NELL1: variants seen among roughly 807,000 people sequenced by gnomAD.
NELL1 encodes protein kinase C-binding protein NELL1.
Under a neutral mutation model 107.4 loss-of-function variants are expected in NELL1, and 76 were observed. The observed-to-expected ratio is 0.71, with a 90% confidence interval of 0.59 to 0.86. NELL1 has a LOEUF of 0.86. NELL1 is among the 40% of genes least tolerant of loss of function. The probability of loss-of-function intolerance (pLI) is 0.00; values close to 1 mark genes in which losing one functional copy is unlikely to be tolerated. For missense variants in NELL1, 1,024 were observed against 1,005.5 expected, an observed-to-expected ratio of 1.02 and a Z score of -0.25; for synonymous variants, 353 against 341.2, an observed-to-expected ratio of 1.03 and a Z score of -0.38.
intron 12 of NELL1, among the ~76,000 whole-genome samples, chr11:21,015,958 T>C (rs1322586606): frequency 6.6e-6 from 1 of 152,060 alleles, no homozygotes; most frequent in African/African-American, 2.4e-5. Context: ...TGTGTAGAGC[T>C]TTTGTGTCCG....
chr11:20,996,145 T>C (rs79342420), intron 12 of NELL1, among the ~76,000 whole-genome samples: 187 of 152,352 alleles, frequency 1.2e-3, no homozygotes, highest in African/African-American at 4.3e-3. Flanking sequence ...TGTGTGATTA[T>C]AGGTCCTTGG....
chr11:21,207,682 G>C (rs572048918), intron 13 of NELL1, among the ~76,000 whole-genome samples: 150 of 152,198 alleles, frequency 9.9e-4, no homozygotes, highest in African/African-American at 3.4e-3. Flanking sequence ...CAGATCTGAG[G>C]AACAAAAGAC....
intron 12 of NELL1, among the ~76,000 whole-genome samples, chr11:21,042,031 T>G (rs11607798): frequency 0.14 from 21,099 of 152,266 alleles, 1,627 homozygotes; most frequent in South Asian, 0.24. Flanking sequence ...AGTCTTCTTT[T>G]GAGAAGCATG....
intron 14 of NELL1, among the ~76,000 whole-genome samples, chr11:21,333,772 G>T (rs780609536): frequency 3.3e-5 from 5 of 152,008 alleles, no homozygotes; most frequent in Non-Finnish European, 5.9e-5. Flanking sequence ...AGTGACTGCT[G>T]TCCCTGGCTT....
chr11:20,736,543 G>T (rs1430137875), intron 2 of NELL1, among the ~76,000 whole-genome samples: 1 of 152,140 alleles, frequency 6.6e-6, no homozygotes, highest in African/African-American at 2.4e-5. Context: ...ATGGTGGTCT[G>T]CTTGGTCTGT....
chr11:21,100,822 G>GTTTC lies in NELL1; in HGVS notation c.1301-12747_1301-12744dup, dbSNP rs200744245. 7.5e-3 allele frequency among the ~76,000 whole-genome samples: 1,146 copies of GTTTC among 151,998 alleles called. 18 individuals are homozygous for GTTTC. The highest frequency in any genetic ancestry group is 0.025 in the African/African-American group (1,032 of 41,428). On this transcript the variant is annotated intron_variant, in intron 12 of 19. Coordinates refer to ENST00000357134, the MANE Select transcript of NELL1 (RefSeq NM_006157.5). ...TAGAGACAGTATAGCAAAGTACAAT[G>GTTTC]TTTCTTTCTTTCTTTCTTTCTTTTT... is the stretch of plus-strand genomic sequence containing the variant.
At chr11:20,751,468 T>G (rs1205691795) in intron 2 of NELL1, among the ~76,000 whole-genome samples, 1 of 152,094 alleles carries the variant, frequency 6.6e-6, no homozygotes, top group East Asian at 1.9e-4. Flanking sequence ...TTGCACATTT[T>G]CTGTTGGATT....
At chr11:20,895,223 G>T (rs12275954) in intron 5 of NELL1, among the ~76,000 whole-genome samples, 9,942 of 105,542 alleles carry the variant, frequency 0.094, 1,647 homozygotes, top group African/African-American at 0.35. Flanking sequence ...AGTGAGCCGA[G>T]ATCCCGCCAC....
chr11:20,750,309 C>T (rs1052257905), intron 2 of NELL1, among the ~76,000 whole-genome samples: 2 of 151,998 alleles, frequency 1.3e-5, no homozygotes, highest in Non-Finnish European at 2.9e-5. Context: ...GTTCTTTATT[C>T]TGGCTGCAAG....
intron 15 of NELL1, among the ~76,000 whole-genome samples, chr11:21,387,098 C>T (rs777571508): frequency 2.0e-5 from 3 of 151,816 alleles, no homozygotes; most frequent in East Asian, 2.0e-4. Context: ...TACCTCAGGG[C>T]GTTTGCACCT....
chr11:21,441,453 T>C (rs952590604), intron 15 of NELL1, among the ~76,000 whole-genome samples: 1 of 151,828 alleles, frequency 6.6e-6, no homozygotes, highest in Admixed American at 6.6e-5. Context: ...CACAGTTCTA[T>C]TGTGTAGGGA....
At chr11:21,342,511 G>T (rs1412283228) in intron 14 of NELL1, among the ~76,000 whole-genome samples, 1 of 151,788 alleles carries the variant, frequency 6.6e-6, no homozygotes, top group Admixed American at 6.6e-5. Flanking sequence ...AGGCATGGTG[G>T]CATGTGCCTG....
chr11:20,673,109 G>A lies in NELL1; in HGVS notation c.55+3331G>A, dbSNP rs190212047. On this transcript the variant is annotated intron_variant, in intron 1 of 19. Coordinates refer to ENST00000357134, the MANE Select transcript of NELL1 (RefSeq NM_006157.5). ...ACTCCTGACCTCAGGTGATCTGCCC[G>A]CCTCGGCTTCCCAAAGTGCTGAGAT... Among the ~76,000 whole-genome samples, 80 of 151,882 alleles carry A rather than the reference G, an allele frequency of 5.3e-4. 1 individual carries two copies. In the East Asian group the frequency reaches 8.8e-3, roughly 17 times the overall value.
At chr11:21,212,272 T>G (rs1032455798) in intron 13 of NELL1, among the ~76,000 whole-genome samples, 2 of 152,188 alleles carry the variant, frequency 1.3e-5, no homozygotes, top group Admixed American at 6.6e-5. Flanking sequence ...GATGATATAA[T>G]GCACTTCAAC....
intron 12 of NELL1, among the ~76,000 whole-genome samples, chr11:20,989,385 CA>C (rs1034840986): frequency 6.6e-6 from 1 of 151,998 alleles, no homozygotes; most frequent in Non-Finnish European, 1.5e-5. Context: ...GTTATGAATA[CA>C]AAAAAGGGTG....
At chr11:21,553,958 T>C (rs1591031179) in intron 16 of NELL1, among the ~76,000 whole-genome samples, 1 of 152,044 alleles carries the variant, frequency 6.6e-6, no homozygotes. Flanking sequence ...ATTAGTCATT[T>C]AGTAGACTGC....
chr11:21,438,029 TC>T (rs1853173101), intron 15 of NELL1, among the ~76,000 whole-genome samples: 1 of 152,250 alleles, frequency 6.6e-6, no homozygotes. Flanking sequence ...TTTATAAAGT[TC>T]GATTCCTTTC....
chr11:20,862,337 C>T (rs1266345872), intron 4 of NELL1, among the ~76,000 whole-genome samples: 1 of 151,942 alleles, frequency 6.6e-6, no homozygotes, highest in East Asian at 1.9e-4. Flanking sequence ...CAAAATTGAA[C>T]AGGAAGTACG....
chr11:21,375,202 C>T (rs978558200), intron 15 of NELL1, among the ~76,000 whole-genome samples: 3 of 151,890 alleles, frequency 2.0e-5, no homozygotes, highest in Non-Finnish European at 2.9e-5. Flanking sequence ...AGCCTTTGCC[C>T]CCTCCTTTCC....
Sources: allele counts gnomAD v4.1 joint callset (sites outside exome capture counted in the v4.1 genomes callset), GRCh38; gene constraint gnomAD v4.1.1; transcripts MANE v1.5; gene names NCBI Gene and HGNC (gene_info 2026-07-23, HGNC 2026-07-21).